The following KCNIP1 variants were observed in gnomAD, a reference collection of about 807,000 sequenced individuals.
KCNIP1 encodes potassium voltage-gated channel interacting protein 1.
Under a neutral mutation model 33.0 loss-of-function variants are expected in KCNIP1, and 18 were observed. The observed-to-expected ratio is 0.55, with a 90% confidence interval of 0.38 to 0.81. KCNIP1 has a LOEUF of 0.81. Among genes scored for constraint, KCNIP1 ranks in the 30% least tolerant of loss-of-function variants. The pLI is 0.00. For synonymous variants in KCNIP1, 93 were observed against 98.3 expected, an observed-to-expected ratio of 0.95 and a Z score of 0.32; for missense variants, 238 against 271.6, an observed-to-expected ratio of 0.88 and a Z score of 0.87.
chr5:170,498,369 T>C lies in KCNIP1; in HGVS notation c.88+144405T>C, dbSNP rs56357842. On this transcript the variant is annotated intron_variant, in intron 1 of 7. Transcript: ENST00000377360. ...AACTTGCCCAAAGTCACAAAACAAA[T>C]CCGGGACTTTAAGCCTGATCTGCTT... is the stretch of plus-strand genomic sequence containing the variant. 9.5e-4 allele frequency among the ~76,000 whole-genome samples: 144 copies of C among 152,230 alleles called. 1 individual carries two copies. The highest frequency in any genetic ancestry group is 3.4e-3 in the African/African-American group (140 of 41,550).
intron 1 of KCNIP1, among the ~76,000 whole-genome samples, chr5:170,667,554 G>A (rs1355882744): frequency 6.6e-6 from 1 of 152,190 alleles, no homozygotes; most frequent in African/African-American, 2.4e-5. Context: ...TGGAAGAGAA[G>A]TTTCCTGGGG....
At chr5:170,572,605 A>G (rs76504197) in intron 1 of KCNIP1, among the ~76,000 whole-genome samples, 2,734 of 152,374 alleles carry the variant, frequency 0.018, 36 homozygotes, top group Middle Eastern at 0.075. Context: ...AAATGCTTCC[A>G]GTTTCAATGA....
chr5:170,474,894 G>A (rs984088226), intron 1 of KCNIP1, among the ~76,000 whole-genome samples: 22 of 152,202 alleles, frequency 1.4e-4, no homozygotes, highest in African/African-American at 2.9e-4. Flanking sequence ...CCCCCACCGC[G>A]TAGAAGGGGA....
chr5:170,711,123 C>G (rs1407108742), intron 1 of KCNIP1, among the ~76,000 whole-genome samples: 1 of 152,188 alleles, frequency 6.6e-6, no homozygotes, highest in East Asian at 1.9e-4. Context: ...ACTCACTGGG[C>G]TTAAATGACT....
intron 1 of KCNIP1, chr5:170,420,640 C>T (rs1755461882): frequency 6.6e-6 from 1 of 152,088 alleles, no homozygotes; most frequent in South Asian, 2.1e-4. Context: ...CAACAGCAGG[C>T]TATTAGGAGT....
intron 1 of KCNIP1, among the ~76,000 whole-genome samples, chr5:170,393,016 C>T (rs1313264439): frequency 6.6e-6 from 1 of 152,144 alleles, no homozygotes. Flanking sequence ...CTCCACAATC[C>T]CCCACAAAAG....
chr5:170,611,423 A>G (rs1759147862), intron 1 of KCNIP1, among the ~76,000 whole-genome samples: 1 of 152,240 alleles, frequency 6.6e-6, no homozygotes, highest in South Asian at 2.1e-4. Flanking sequence ...GTACCACACT[A>G]CGAAGTGCAG....
chr5:170,678,294 C>T (rs2113787764), intron 1 of KCNIP1: 1 of 152,334 alleles, frequency 6.6e-6, no homozygotes, highest in Admixed American at 6.5e-5. Context: ...CGCAGACACC[C>T]ACTACTATGA....
At chr5:170,712,626 C>A (rs1045051355) in intron 1 of KCNIP1, among the ~76,000 whole-genome samples, 1 of 152,352 alleles carries the variant, frequency 6.6e-6, no homozygotes, top group Middle Eastern at 3.4e-3. Context: ...GTTCAATGAG[C>A]CCCTGTGGGA....
At chr5:170,663,929 T>C (rs1353610593) in intron 1 of KCNIP1, among the ~76,000 whole-genome samples, 1 of 150,342 alleles carries the variant, frequency 6.7e-6, no homozygotes, top group Non-Finnish European at 1.5e-5. Flanking sequence ...CTCTCCTCAA[T>C]CCTATCTGCA....
chr5:170,704,745 T>G (rs1463536391), intron 1 of KCNIP1, among the ~76,000 whole-genome samples: 1 of 152,200 alleles, frequency 6.6e-6, no homozygotes, highest in African/African-American at 2.4e-5. Context: ...CCTCTTGTTT[T>G]TTATTTCTCC....
chr5:170,361,631 C>G (rs915699576), intron 1 of KCNIP1, among the ~76,000 whole-genome samples: 2 of 152,144 alleles, frequency 1.3e-5, no homozygotes, highest in African/African-American at 2.4e-5. Context: ...GACACGGTGG[C>G]TTATCAACAA....
At chr5:170,412,755 G>A (rs1043634596) in intron 1 of KCNIP1, among the ~76,000 whole-genome samples, 10 of 152,106 alleles carry the variant, frequency 6.6e-5, no homozygotes, top group Non-Finnish European at 1.5e-5. Flanking sequence ...TGCACCAGAT[G>A]TTCCCTCTGC....
At chr5:170,452,656 C>T (rs186461107) in intron 1 of KCNIP1, among the ~76,000 whole-genome samples, 3 of 152,314 alleles carry the variant, frequency 2.0e-5, no homozygotes, top group Admixed American at 2.0e-4. Flanking sequence ...CACTTTTAAT[C>T]AAATCTGTCT....
At position 170,468,659 on chromosome 5, in the gene KCNIP1, TAGCTTGAGCCCAGG is replaced by T. The variant is rs377541423; in HGVS notation, c.88+114698_88+114711del. On this transcript the variant is annotated intron_variant, in intron 1 of 7. Coordinates refer to the KCNIP1 transcript ENST00000377360. ...ACTTTGGGAGGCCGAGGTGGGTGGA[TAGCTTGAGCCCAGG>T]AGTTTGAGGCCAGCCTGGGCAACAT... Among the ~76,000 whole-genome samples, 447 of 152,088 alleles carry T rather than the reference TAGCTTGAGCCCAGG, an allele frequency of 2.9e-3. 3 individuals carry two copies. Among genetic ancestry groups the T allele is most frequent in the African/African-American group, 0.01 (429 of 41,488 alleles).
intron 1 of KCNIP1, among the ~76,000 whole-genome samples, chr5:170,616,247 T>G (rs1270983053): frequency 6.6e-6 from 1 of 152,236 alleles, no homozygotes; most frequent in Non-Finnish European, 1.5e-5. Flanking sequence ...TAGAAGGGCC[T>G]GGTACTCATA....
chr5:170,440,455 G>A (rs12515950), intron 1 of KCNIP1, among the ~76,000 whole-genome samples: 6 of 152,074 alleles, frequency 3.9e-5, no homozygotes, highest in Admixed American at 1.3e-4. Flanking sequence ...CCTCCCCAAG[G>A]CCACACAACA....
chr5:170,691,290 G>A (rs868357124), intron 1 of KCNIP1, among the ~76,000 whole-genome samples: 2 of 152,138 alleles, frequency 1.3e-5, no homozygotes, highest in East Asian at 1.9e-4. Context: ...ATAAGTTGAG[G>A]GGGTATTGTA....
chr5:170,675,455 T>TA (rs1762095749), intron 1 of KCNIP1, among the ~76,000 whole-genome samples: 1 of 151,950 alleles, frequency 6.6e-6, no homozygotes, highest in Non-Finnish European at 1.5e-5. Flanking sequence ...CTGTCTCTCC[T>TA]AAAAAATACA....
Sources: allele counts gnomAD v4.1 joint callset (sites outside exome capture counted in the v4.1 genomes callset), GRCh38; gene constraint gnomAD v4.1.1; transcripts MANE v1.5; gene names NCBI Gene and HGNC (gene_info 2026-07-23, HGNC 2026-07-21).